The following ANKFN1 variants were observed in gnomAD, a reference collection of about 807,000 sequenced individuals.
ANKFN1 encodes the protein ankyrin repeat and fibronectin type III domain containing 1.
ANKFN1 carries 74 observed loss-of-function variants against 108.7 expected under a neutral mutation model. The observed-to-expected ratio is 0.68, with a 90% CI of 0.56 to 0.83. The LOEUF is 0.83. ANKFN1 is among the 40% of genes least tolerant of loss of function. The pLI, the probability that ANKFN1 is intolerant of heterozygous loss-of-function variation, is 0.00. For missense variants in ANKFN1, 1,505 were observed against 1,382.3 expected (o/e 1.09, Z -1.41); for synonymous variants, 547 against 516.2 (o/e 1.06, Z -0.81).
intron 3 of ANKFN1, among the ~76,000 whole-genome samples, chr17:56,294,409 A>C (rs778624202): frequency 1.3e-5 from 2 of 152,180 alleles, no homozygotes; most frequent in Non-Finnish European, 2.9e-5. Context: ...GCCACACCAT[A>C]ATTCAGGTCA....
At chr17:56,118,730 CATTT>C (rs1401986793) in intron 4 of ANKFN1, among the ~76,000 whole-genome samples, 4 of 152,090 alleles carry the variant, frequency 2.6e-5, no homozygotes, top group African/African-American at 9.7e-5. Context: ...CATATTACAT[CATTT>C]ATTTGTCTAT....
chr17:56,362,087 C>T (rs909970305), intron 6 of ANKFN1, among the ~76,000 whole-genome samples: 1 of 152,106 alleles, frequency 6.6e-6, no homozygotes, highest in African/African-American at 2.4e-5. Flanking sequence ...GGCTGGCTAC[C>T]TTATTACCCA....
At chr17:56,502,690 A>G (rs996680214) in intron 20 of ANKFN1, among the ~76,000 whole-genome samples, 2 of 152,228 alleles carry the variant, frequency 1.3e-5, no homozygotes, top group African/African-American at 2.4e-5. Context: ...GGGAAATGCA[A>G]TTTAGAAGAA....
At chr17:56,233,091 T>C (rs1567853663) in intron 3 of ANKFN1, among the ~76,000 whole-genome samples, 1 of 152,058 alleles carries the variant, frequency 6.6e-6, no homozygotes. Flanking sequence ...CAAGCTCAAA[T>C]TACATGTAAA....
chr17:56,381,549 A>T (rs1422793759), intron 8 of ANKFN1, among the ~76,000 whole-genome samples: 3 of 152,206 alleles, frequency 2.0e-5, no homozygotes, highest in African/African-American at 4.8e-5. Flanking sequence ...AAAAATTTAG[A>T]TGAATGTATA....
At chr17:56,288,707 G>C (rs2044283301) in intron 3 of ANKFN1, among the ~76,000 whole-genome samples, 1 of 151,990 alleles carries the variant, frequency 6.6e-6, no homozygotes, top group Non-Finnish European at 1.5e-5. Flanking sequence ...TTCTCTTATG[G>C]GCTAGCCCAG....
intron 9 of ANKFN1, among the ~76,000 whole-genome samples, chr17:56,440,932 T>C (rs984954630): frequency 3.3e-5 from 5 of 151,614 alleles, no homozygotes; most frequent in Non-Finnish European, 5.9e-5. Flanking sequence ...AAAAAGAAAC[T>C]ATATATGGTG....
intron 3 of ANKFN1, among the ~76,000 whole-genome samples, chr17:56,286,102 A>G (rs2044210116): frequency 6.6e-6 from 1 of 152,144 alleles, no homozygotes; most frequent in African/African-American, 2.4e-5. Flanking sequence ...GGTGGTCTGC[A>G]GCTGGTCCAT....
chr17:56,177,538 T>G (rs1911285009), intron 1 of ANKFN1, among the ~76,000 whole-genome samples: 1 of 152,200 alleles, frequency 6.6e-6, no homozygotes, highest in Non-Finnish European at 1.5e-5. Flanking sequence ...TACAATGAAT[T>G]TTCCTGCTTT....
intron 1 of ANKFN1, among the ~76,000 whole-genome samples, chr17:56,196,943 G>A (rs935517888): frequency 2.0e-5 from 3 of 152,206 alleles, no homozygotes; most frequent in African/African-American, 7.2e-5. Context: ...GCAGGTCTAA[G>A]TGTGTCTTGA....
At chr17:56,446,941 C>T (rs1954782186) in intron 10 of ANKFN1, among the ~76,000 whole-genome samples, 1 of 151,586 alleles carries the variant, frequency 6.6e-6, no homozygotes, top group Admixed American at 6.6e-5. Context: ...ACTTTATAGG[C>T]CAGGCCAACA....
chr17:56,393,822 T>A (rs1465134294), intron 8 of ANKFN1, among the ~76,000 whole-genome samples: 6 of 152,196 alleles, frequency 3.9e-5, no homozygotes, highest in Admixed American at 2.0e-4. Flanking sequence ...ATTTTTCTAG[T>A]CACCACAAAT....
chr17:56,224,927 T>A (rs1916153578), intron 2 of ANKFN1: 1 of 152,298 alleles, frequency 6.6e-6, no homozygotes. Context: ...GAGGGTAACC[T>A]GCTGGCCATG....
intron 3 of ANKFN1, among the ~76,000 whole-genome samples, chr17:56,230,808 A>G (rs1792508714): frequency 6.6e-6 from 1 of 152,014 alleles, no homozygotes. Context: ...TTTTGGCAGG[A>G]ACCATTTTCT....
chr17:56,274,317 C>CA (rs2043863537), intron 3 of ANKFN1, among the ~76,000 whole-genome samples: 1 of 151,966 alleles, frequency 6.6e-6, no homozygotes, highest in Non-Finnish European at 1.5e-5. Flanking sequence ...AGTAAAAATA[C>CA]AAAAAATTAG....
chr17:56,347,223 T>G (rs2046128367), intron 4 of ANKFN1, among the ~76,000 whole-genome samples: 2 of 152,006 alleles, frequency 1.3e-5, no homozygotes, highest in Non-Finnish European at 2.9e-5. Context: ...AAGACATTAT[T>G]TAAGACAAGC....
chr17:56,153,543 T>C lies in ANKFN1; in HGVS notation c.-71+13T>C. On this transcript the variant is annotated intron_variant, in intron 1 of 20. Coordinates refer to ENST00000682825, the MANE Select transcript of ANKFN1 (RefSeq NM_001370326.1). ...GTCTCTAACCAGGGTAGGAAAACAA[T>C]AGTTCTAAATATCGGTAATTGGTGT... The C allele has an allele frequency of 6.2e-7, 1 of 1,613,742 alleles. No individual in the cohort carries two copies. Among genetic ancestry groups the C allele is most frequent in the Non-Finnish European group, 8.5e-7 (1 of 1,179,658 alleles).
At chr17:56,485,476 G>T (rs546302304) in intron 18 of ANKFN1, among the ~76,000 whole-genome samples, 53 of 152,256 alleles carry the variant, frequency 3.5e-4, no homozygotes, top group African/African-American at 1.2e-3. Flanking sequence ...AAGAAAGATA[G>T]GAGATGAGGT....
At chr17:56,088,362 T>C (rs1175948535) in intron 4 of ANKFN1, among the ~76,000 whole-genome samples, 3 of 151,266 alleles carry the variant, frequency 2.0e-5, no homozygotes, top group African/African-American at 7.3e-5. Context: ...ACTGCATTTC[T>C]CTCTTTGGTT....
Sources: allele counts gnomAD v4.1 joint callset (sites outside exome capture counted in the v4.1 genomes callset), GRCh38; gene constraint gnomAD v4.1.1; transcripts MANE v1.5; gene names NCBI Gene and HGNC (gene_info 2026-07-23, HGNC 2026-07-21).